The following ASPRV1 variants were observed in gnomAD, a reference collection of about 807,000 sequenced individuals.
ASPRV1 encodes retroviral-like aspartic protease 1.
Under a neutral mutation model 11.0 loss-of-function variants are expected in ASPRV1, and 7 were observed. The ratio of observed to expected loss-of-function variants is 0.64; its 90% CI spans 0.36 to 1.20. ASPRV1 has a LOEUF of 1.20. Ranked by LOEUF, ASPRV1 falls within the 50% of genes most tolerant of loss-of-function variation. The pLI, the probability that ASPRV1 is intolerant of heterozygous loss-of-function variation, is 0.02. For missense variants in ASPRV1, 299 were observed against 320.0 expected (o/e 0.93, Z 0.50); for synonymous variants, 136 against 138.4 (o/e 0.98, Z 0.12).
At chr2:69,938,455 T>C in the ASPRV1 span, 1 of 620,016 alleles carries the variant, frequency 1.6e-6, no homozygotes, top group African/African-American at 1.9e-5. Flanking sequence ...GGGTTTCTGA[T>C]TGCATCCACT....
At chr2:69,994,763 C>T in the ASPRV1 span, among the ~76,000 whole-genome samples, 3 of 151,928 alleles carry the variant, frequency 2.0e-5, no homozygotes, top group African/African-American at 7.2e-5. Flanking sequence ...TTTGGGAGGC[C>T]GAGGAGGGCG....
At chr2:70,037,983 C>G in the ASPRV1 span, among the ~76,000 whole-genome samples, 2 of 152,146 alleles carry the variant, frequency 1.3e-5, no homozygotes, top group Non-Finnish European at 2.9e-5. Flanking sequence ...ATTTTCTAAT[C>G]TATTGTGAGC....
At chr2:70,065,478 A>T in the ASPRV1 span, among the ~76,000 whole-genome samples, 216 of 152,034 alleles carry the variant, frequency 1.4e-3, 2 homozygotes, top group African/African-American at 5.0e-3. Flanking sequence ...AAACCAGAAA[A>T]TTATAATATA....
chr2:70,022,875 A>ATGAAGAAGGAAAAAGGGTATAAAAGGGTC, the ASPRV1 span, among the ~76,000 whole-genome samples: 1 of 152,222 alleles, frequency 6.6e-6, no homozygotes, highest in East Asian at 1.9e-4. Context: ...TAAAAAAAAA[A>ATGAAGAAGGAAAAAGGGTATAAAAGGGTC]TGAAGAAGGA....
At chr2:70,060,340 CAAAA>C in the ASPRV1 span, among the ~76,000 whole-genome samples, 2 of 52,728 alleles carry the variant, frequency 3.8e-5, no homozygotes, top group Admixed American at 1.8e-4. Flanking sequence ...GACTCCATCT[CAAAA>C]AAAAAAAAAA....
At chr2:69,933,550 T>TG in the ASPRV1 span, among the ~76,000 whole-genome samples, 1 of 152,108 alleles carries the variant, frequency 6.6e-6, no homozygotes, top group Admixed American at 6.6e-5. Flanking sequence ...AGCTCAGAAA[T>TG]GAATGCTGTA....
the ASPRV1 span, among the ~76,000 whole-genome samples, chr2:69,953,696 CT>C: frequency 2.1e-5 from 3 of 139,780 alleles, no homozygotes; most frequent in Non-Finnish European, 3.0e-5. Context: ...ACTTAATTTT[CT>C]TTTTTTTTCT....
chr2:69,935,535 C>T, the ASPRV1 span: 13 of 1,037,638 alleles, frequency 1.3e-5, no homozygotes, highest in Admixed American at 1.8e-5. Context: ...GTTACATCTC[C>T]AGGACAGTCC....
chr2:69,990,485 G>T, the ASPRV1 span, among the ~76,000 whole-genome samples: 8 of 151,970 alleles, frequency 5.3e-5, no homozygotes, highest in East Asian at 1.5e-3. Flanking sequence ...TGCCCAGCCT[G>T]TTCATTTATG....
At chr2:70,064,419 A>AT in the ASPRV1 span, among the ~76,000 whole-genome samples, 1 of 152,184 alleles carries the variant, frequency 6.6e-6, no homozygotes, top group Non-Finnish European at 1.5e-5. Flanking sequence ...AGACAACAAA[A>AT]TAATTACAAT....
chr2:69,936,192 C>T, the ASPRV1 span, among the ~76,000 whole-genome samples: 1 of 152,134 alleles, frequency 6.6e-6, no homozygotes. Context: ...GATAATCCTT[C>T]GCTGACTTTC....
At chr2:70,064,253 C>A in the ASPRV1 span, among the ~76,000 whole-genome samples, 2 of 152,150 alleles carry the variant, frequency 1.3e-5, no homozygotes, top group Non-Finnish European at 2.9e-5. Flanking sequence ...ACCCTGACAT[C>A]CTAAAGCACA....
At chr2:69,947,815 G>T in the ASPRV1 span, among the ~76,000 whole-genome samples, 1 of 152,096 alleles carries the variant, frequency 6.6e-6, no homozygotes, top group South Asian at 2.1e-4. Context: ...TAGGAGGGTG[G>T]TGCCCCAGGG....
At chr2:69,982,910 G>C in the ASPRV1 span, among the ~76,000 whole-genome samples, 1 of 151,964 alleles carries the variant, frequency 6.6e-6, no homozygotes, top group Admixed American at 6.6e-5. Context: ...GGGGCCTCTG[G>C]AACCCTGAGT....
chr2:70,005,368 G>A, the ASPRV1 span, among the ~76,000 whole-genome samples: 1 of 152,046 alleles, frequency 6.6e-6, no homozygotes, highest in Admixed American at 6.6e-5. Context: ...CCAGCCTGTG[G>A]TTTCTTTTAT....
At chr2:69,973,996 A>G in the ASPRV1 span, among the ~76,000 whole-genome samples, 4 of 152,218 alleles carry the variant, frequency 2.6e-5, no homozygotes, top group Non-Finnish European at 5.9e-5. Flanking sequence ...TAGTATTTCC[A>G]CAGATGTAAT....
the ASPRV1 span, among the ~76,000 whole-genome samples, chr2:69,949,361 C>T: frequency 6.6e-6 from 1 of 152,104 alleles, no homozygotes; most frequent in Non-Finnish European, 1.5e-5. Flanking sequence ...TAAGGCAGGA[C>T]AAGAGTCTCC....
the ASPRV1 span, among the ~76,000 whole-genome samples, chr2:70,027,054 C>T: frequency 2.0e-5 from 3 of 151,994 alleles, no homozygotes; most frequent in African/African-American, 4.8e-5. Context: ...ATTTTCACAA[C>T]AGCTGGGCAA....
the ASPRV1 span, among the ~76,000 whole-genome samples, chr2:70,083,995 T>C: frequency 6.6e-6 from 1 of 152,076 alleles, no homozygotes; most frequent in Non-Finnish European, 1.5e-5. Context: ...TATGACATGT[T>C]ACCAACCCCA....
Sources: allele counts gnomAD v4.1 joint callset (sites outside exome capture counted in the v4.1 genomes callset), GRCh38; gene constraint gnomAD v4.1.1; transcripts MANE v1.5; gene names NCBI Gene and HGNC (gene_info 2026-07-23, HGNC 2026-07-21).